ASZ1: variants seen among roughly 807,000 people sequenced by gnomAD.
ASZ1 encodes the protein ankyrin repeat, SAM and basic leucine zipper domain containing 1.
ASZ1 carries 67 observed loss-of-function variants against 61.8 expected under a neutral mutation model. The ratio of observed to expected loss-of-function variants is 1.08; its 90% confidence interval spans 0.89 to 1.33. The LOEUF (loss-of-function observed/expected upper bound fraction) is 1.33. Among genes scored for constraint, ASZ1 ranks in the 40% most tolerant of loss-of-function variants. ASZ1 has a pLI of 0.00. For synonymous variants in ASZ1, 193 were observed against 192.7 expected, an observed-to-expected ratio of 1.00 and a Z score of -0.01; for missense variants, 577 against 554.5, an observed-to-expected ratio of 1.04 and a Z score of -0.41.
At chr7:117,368,838 A>G in intron 10 of ASZ1, 121 bp from the exon 11 acceptor site, 4 of 1,517,492 alleles carry the variant, frequency 2.6e-6, no homozygotes, top group Non-Finnish European at 1.8e-6. Flanking sequence ...GAATTCATGG[A>G]ATAGCTAATA....
At chr7:117,425,440 T>A (rs951214731) in intron 2 of ASZ1, among the ~76,000 whole-genome samples, 2 of 151,560 alleles carry the variant, frequency 1.3e-5, no homozygotes, top group Non-Finnish European at 2.9e-5. Flanking sequence ...TAATTTTTTT[T>A]GTGTTTTTTA....
chr7:117,368,343 A>G, intron 11 of ASZ1: 2 of 1,081,820 alleles, frequency 1.8e-6, no homozygotes, highest in Non-Finnish European at 2.2e-6. Flanking sequence ...ATATTTTAAA[A>G]AAGAACACAT....
At chr7:117,399,104 C>A (rs1359052070) in intron 4 of ASZ1, among the ~76,000 whole-genome samples, 3 of 152,088 alleles carry the variant, frequency 2.0e-5, no homozygotes, top group Non-Finnish European at 2.9e-5. Flanking sequence ...GTGGTATGCA[C>A]CTGTAGTCCA....
In ASZ1 at chr7:117,381,060, T is replaced by C; in HGVS notation, c.896A>G (p.Asp299Gly). Residue 299 changes from aspartate to glycine, a missense_variant, in exon 9 of 13, where the codon GAT becomes GGT. Physicochemically the swap from Asp to Gly is moderately conservative, Grantham distance 94. Transcript: ENST00000284629. ...GGTCAAAAGATGTCTTAACGTTATA[T>C]CCCTTTCCTGTATAAAAGGAAAAAA... Reference protein sequence around the residue: ...EHMTDLLKERDITLRHLLTMR... With the variant: ...EHMTDLLKERGITLRHLLTMR... 4 of 1,588,124 alleles carry C rather than the reference T, an allele frequency of 2.5e-6. No homozygotes were observed. The highest frequency in any genetic ancestry group is 2.6e-6 in the Non-Finnish European group (3 of 1,167,038).
At chr7:117,389,347 T>C (rs1796418915) in intron 4 of ASZ1, among the ~76,000 whole-genome samples, 1 of 152,188 alleles carries the variant, frequency 6.6e-6, no homozygotes, top group African/African-American at 2.4e-5. Flanking sequence ...CCCCTTTGGA[T>C]TCTCTAGTGT....
At chr7:117,384,883 A>T in intron 5 of ASZ1, 23 bp from the exon 6 acceptor site, 1 of 1,545,312 alleles carries the variant, frequency 6.5e-7, no homozygotes, top group Non-Finnish European at 8.7e-7. Flanking sequence ...GGAAAAGAAG[A>T]TTGTTTAAAG....
At chr7:117,399,424 T>C (rs1013285133) in intron 4 of ASZ1, among the ~76,000 whole-genome samples, 1 of 152,220 alleles carries the variant, frequency 6.6e-6, no homozygotes, top group Non-Finnish European at 1.5e-5. Context: ...CTTCCTATAT[T>C]GTAAATGCCT....
At chr7:117,376,039 A>G (rs182893356) in intron 10 of ASZ1, among the ~76,000 whole-genome samples, 34 of 151,916 alleles carry the variant, frequency 2.2e-4, no homozygotes, top group African/African-American at 8.2e-4. Flanking sequence ...AGGTTCTTTG[A>G]AAAAAAATGC....
intron 4 of ASZ1, among the ~76,000 whole-genome samples, chr7:117,409,715 C>T (rs183367589): frequency 6.6e-6 from 1 of 151,888 alleles, no homozygotes; most frequent in Non-Finnish European, 1.5e-5. Context: ...AGCTAAAACA[C>T]TCATATGAAA....
intron 4 of ASZ1, among the ~76,000 whole-genome samples, chr7:117,402,521 T>C (rs1460580559): frequency 6.6e-6 from 1 of 152,198 alleles, no homozygotes; most frequent in African/African-American, 2.4e-5. Context: ...TAACTGGCTA[T>C]GTCCAATTCA....
intron 10 of ASZ1, among the ~76,000 whole-genome samples, chr7:117,377,986 G>C (rs1328857429): frequency 6.6e-6 from 1 of 151,042 alleles, no homozygotes; most frequent in Non-Finnish European, 1.5e-5. Flanking sequence ...CTATCCCCAG[G>C]TGAAAAAAAA....
intron 3 of ASZ1, 122 bp downstream of exon 3, chr7:117,422,115 T>G: frequency 9.8e-7 from 1 of 1,023,008 alleles, no homozygotes; most frequent in South Asian, 2.1e-5. Flanking sequence ...ATTATTTACA[T>G]AGTATAATGA....
intron 10 of ASZ1, among the ~76,000 whole-genome samples, chr7:117,371,096 A>G (rs568562522): frequency 5.3e-5 from 8 of 152,184 alleles, no homozygotes; most frequent in Non-Finnish European, 1.2e-4. Context: ...AAGTGCTAAC[A>G]TTATAGGCGT....
In ASZ1 at chr7:117,412,054, G is replaced by A. The variant is rs868516938; in HGVS notation, c.440+8109C>T. Reference sequence around the variant, plus strand: ...AGTGAAAAGAAGTGTGTGTGTGTGTGTGTGTGTGTGTGTGTGTGTGTGTGT... The same window carrying A: ...AGTGAAAAGAAGTGTGTGTGTGTGTATGTGTGTGTGTGTGTGTGTGTGTGT... On this transcript the variant is annotated intron_variant, in intron 4 of 12. Coordinates refer to ENST00000284629, the MANE Select transcript of ASZ1 (RefSeq NM_130768.3). 1.1e-4 allele frequency among the ~76,000 whole-genome samples: 17 copies of A among 149,750 alleles called. No individual in the cohort carries two copies. The South Asian group carries it at 1.7e-3, about 15-fold the overall frequency.
intron 11 of ASZ1, 57 bp from the exon 12 acceptor site, chr7:117,367,522 T>C: frequency 7.7e-7 from 1 of 1,299,832 alleles, no homozygotes; most frequent in East Asian, 2.8e-5. Flanking sequence ...TCTACAACTT[T>C]ATATCCACAA....
At chr7:117,367,062 C>T (rs1795954965) in intron 12 of ASZ1, among the ~76,000 whole-genome samples, 1 of 152,146 alleles carries the variant, frequency 6.6e-6, no homozygotes, top group Admixed American at 6.5e-5. Flanking sequence ...GGCTTGTGTT[C>T]TCACATAAGA....
chr7:117,368,326 T>A (rs2116445151), intron 11 of ASZ1: 1 of 1,046,512 alleles, frequency 9.6e-7, no homozygotes, highest in East Asian at 7.3e-5. Context: ...GGGTCTCCTG[T>A]CACTTTATAT....
chr7:117,417,919 G>T (rs1177099077), intron 4 of ASZ1, among the ~76,000 whole-genome samples: 1 of 152,158 alleles, frequency 6.6e-6, no homozygotes, highest in Non-Finnish European at 1.5e-5. Flanking sequence ...TTTTGAAACT[G>T]CCTTATAGTG....
chr7:117,379,168 T>C (rs28454155), intron 10 of ASZ1, among the ~76,000 whole-genome samples: 5,490 of 68,638 alleles, frequency 0.08, 326 homozygotes, highest in African/African-American at 0.2. Flanking sequence ...TATATATATA[T>C]ACACACACAC....
Sources: gnomAD v4.1 joint callset for allele counts (sites outside exome capture counted in the v4.1 genomes callset) on GRCh38, gnomAD v4.1.1 for gene constraint, MANE v1.5 for transcripts, NCBI Gene and HGNC (gene_info 2026-07-23, HGNC 2026-07-21) for gene names.